GAN: variants seen among roughly 807,000 people sequenced by gnomAD.
GAN encodes the protein gigaxonin.
A neutral mutation model predicts 71.3 loss-of-function variants in GAN; 48 were observed. The ratio of observed to expected loss-of-function variants is 0.67; its 90% CI spans 0.53 to 0.86. The LOEUF is 0.86. GAN is among the 40% of genes least tolerant of loss of function. GAN has a pLI of 0.00. For synonymous variants in GAN, 386 were observed against 276.8 expected, an observed-to-expected ratio of 1.39 and a Z score of -3.92; for missense variants, 928 against 770.1, an observed-to-expected ratio of 1.21 and a Z score of -2.43.
At chr16:81,331,513 A>C (rs543783005) in intron 1 of GAN, among the ~76,000 whole-genome samples, 13 of 152,350 alleles carry the variant, frequency 8.5e-5, no homozygotes, top group African/African-American at 2.6e-4. Flanking sequence ...CTTTTTTAAA[A>C]ATCTTAAATT....
chr16:81,368,583 C>G (rs960108106), intron 9 of GAN, among the ~76,000 whole-genome samples: 1 of 152,218 alleles, frequency 6.6e-6, no homozygotes, highest in Non-Finnish European at 1.5e-5. Context: ...ACACTCCATC[C>G]TGAGTGCCAG....
chr16:81,362,575 T>A lies in GAN; in HGVS notation c.1050T>A (p.Asp350Glu). 1 of 1,599,624 alleles carries A rather than the reference T, an allele frequency of 6.3e-7. No homozygotes were observed. The highest frequency in any genetic ancestry group is 8.6e-7 in the Non-Finnish European group (1 of 1,166,694). The change falls in exon 6 of 11, where the codon GAT becomes GAA. Residue 350 changes from aspartate to glutamate, a missense_variant. Coordinates refer to ENST00000648994, the MANE Select transcript of GAN (RefSeq NM_022041.4). ...GCTCAGGAGAAAAGTATGATCCAGA[T>A]GCAAATACATGGACAGCATTGCCAC... is the stretch of plus-strand genomic sequence containing the variant. Reference protein sequence around the residue: ...TLSSGEKYDPDANTWTALPPM... With the variant: ...TLSSGEKYDPEANTWTALPPM...
In GAN at chr16:81,323,839, T is replaced by C. The variant is rs1322464773; in HGVS notation, c.167+8559T>C. On this transcript the variant is annotated intron_variant, in intron 1 of 10. Transcript: ENST00000648994. ...CTCCATCCTCTTGTGCTGCCTGCCATTGGAGCATTGTATTCAGTGGCCTCC... is the reference window on the plus strand; with the variant it reads ...CTCCATCCTCTTGTGCTGCCTGCCACTGGAGCATTGTATTCAGTGGCCTCC... 2.6e-5 allele frequency among the ~76,000 whole-genome samples: 4 copies of C among 152,160 alleles called. No individual in the cohort carries two copies. In the East Asian group the frequency reaches 5.8e-4, roughly 22 times the overall value.
In GAN at chr16:81,349,333, C is replaced by T. The variant is rs367764606; in HGVS notation, c.168-2250C>T. Among the ~76,000 whole-genome samples, 6 of 152,186 alleles carry T rather than the reference C, an allele frequency of 3.9e-5. 1 individual carries two copies. Among genetic ancestry groups the T allele is most frequent in the African/African-American group, 1.4e-4 (6 of 41,544 alleles). On this transcript the variant is annotated intron_variant, in intron 1 of 10. Transcript: ENST00000648994. ...TTCCTCAGATACTCCAAGTCAGTTA[C>T]CCTTGTCTGTTTTCTAGCATATGAA...
intron 1 of GAN, among the ~76,000 whole-genome samples, chr16:81,339,175 C>T: frequency 6.6e-6 from 1 of 152,200 alleles, no homozygotes; most frequent in East Asian, 1.9e-4. Context: ...CCGACAGAAT[C>T]CACATCACCC....
At chr16:81,354,117 A>G (rs928637906) in intron 2 of GAN, among the ~76,000 whole-genome samples, 9 of 152,202 alleles carry the variant, frequency 5.9e-5, no homozygotes, top group African/African-American at 2.2e-4. Flanking sequence ...GAATTACAGA[A>G]GTGAACAACA....
At chr16:81,341,362 A>T (rs1264865835) in intron 1 of GAN, among the ~76,000 whole-genome samples, 1 of 152,208 alleles carries the variant, frequency 6.6e-6, no homozygotes, top group Non-Finnish European at 1.5e-5. Flanking sequence ...GAAATGAAGG[A>T]AAAAATGTTA....
At chr16:81,318,325 G>A (rs1053364854) in intron 1 of GAN, among the ~76,000 whole-genome samples, 1 of 152,180 alleles carries the variant, frequency 6.6e-6, no homozygotes, top group Non-Finnish European at 1.5e-5. Flanking sequence ...GTTTGGCCTA[G>A]TGTTGGTAAC....
chr16:81,315,710 T>A (rs1909014286), intron 1 of GAN, among the ~76,000 whole-genome samples: 1 of 152,160 alleles, frequency 6.6e-6, no homozygotes, highest in Non-Finnish European at 1.5e-5. Flanking sequence ...GGGCCCGCGG[T>A]CCCCGCTGAA....
intron 1 of GAN, among the ~76,000 whole-genome samples, chr16:81,328,284 T>C (rs1018795783): frequency 9.2e-5 from 14 of 152,236 alleles, no homozygotes; most frequent in Non-Finnish European, 1.0e-4. Context: ...AAATCTATAT[T>C]TACCTGTTAT....
chr16:81,351,454 A>G lies in GAN; in HGVS notation c.168-129A>G, dbSNP rs184871836. On this transcript the variant is annotated intron_variant, in intron 1 of 10. Coordinates refer to ENST00000648994, the MANE Select transcript of GAN (RefSeq NM_022041.4). ...GAAATACATAGACCTAAAGTTAACG[A>G]ACTAAATTTTCTAGGTGGGGATTCA... is the stretch of plus-strand genomic sequence containing the variant. The G allele has an allele frequency of 1.3e-3, 832 of 652,062 alleles. 4 individuals are homozygous for G. Among genetic ancestry groups the G allele is most frequent in the Admixed American group, 2.3e-3 (96 of 41,574 alleles). 40.4% of individuals were successfully genotyped at this position (652,062 alleles called of 1,614,324 possible).
chr16:81,334,814 T>C (rs181059607), intron 1 of GAN, among the ~76,000 whole-genome samples: 1 of 152,288 alleles, frequency 6.6e-6, no homozygotes, highest in African/African-American at 2.4e-5. Flanking sequence ...CACATGAGAA[T>C]AGTCACCAAC....
chr16:81,350,765 C>T (rs921532498), intron 1 of GAN, among the ~76,000 whole-genome samples: 1 of 152,170 alleles, frequency 6.6e-6, no homozygotes, highest in Non-Finnish European at 1.5e-5. Context: ...GTGAGCTACC[C>T]ACCTCGGCCT....
At position 81,365,125 on chromosome 16, in the gene GAN, G is replaced by A; in HGVS notation, c.1373+15G>A. The A allele has an allele frequency of 6.2e-7, 1 of 1,612,634 alleles. No homozygotes were observed. Among genetic ancestry groups the A allele is most frequent in the East Asian group, 2.2e-5 (1 of 44,884 alleles). ...AAAGAGAGGAGGTACGTGGCTGTGGGGTGGACTTTGTAGATTCCCTTGCTG... is the reference window on the plus strand; with the variant it reads ...AAAGAGAGGAGGTACGTGGCTGTGGAGTGGACTTTGTAGATTCCCTTGCTG... On this transcript the variant is annotated intron_variant, in intron 8 of 10. Transcript: ENST00000648994.
intron 1 of GAN, among the ~76,000 whole-genome samples, chr16:81,339,136 C>G (rs1296335948): frequency 1.3e-5 from 2 of 152,088 alleles, no homozygotes; most frequent in African/African-American, 2.4e-5. Flanking sequence ...ACCTATTAAC[C>G]CCTTGTTACT....
In GAN at chr16:81,315,126, A is replaced by C. The variant is rs2150663541; in HGVS notation, c.13A>C (p.Ser5Arg). The change falls in exon 1 of 11, where the codon AGT becomes CGT. Residue 5 changes from serine (S) to arginine (R), a missense_variant. Physicochemically the swap from Ser to Arg is moderately radical, Grantham distance 110. Transcript: ENST00000648994. ...AGCGGGCGCCGCGATGGCTGAGGGC[A>C]GTGCCGTGTCTGACCCTCAGCACGC... MAEG[S>R]AVSDPQHAAR... is the part of the protein sequence containing the mutation. The C allele has an allele frequency of 1.3e-6, 2 of 1,517,322 alleles. No homozygotes were observed. Among genetic ancestry groups the C allele is most frequent in the Non-Finnish European group, 1.8e-6 (2 of 1,132,826 alleles). The allele number at this position is 1,517,322 out of a possible 1,614,324, so 94.0% of individuals were successfully genotyped here. A position where few individuals can be genotyped will look rare whatever the true frequency, so the allele number is the denominator to read the frequency against.
intron 1 of GAN, among the ~76,000 whole-genome samples, chr16:81,326,316 G>A (rs1456985635): frequency 2.7e-5 from 4 of 150,940 alleles, no homozygotes; most frequent in Non-Finnish European, 5.9e-5. Flanking sequence ...TTGGGAGTTC[G>A]AGACTAGCCT....
intron 1 of GAN, among the ~76,000 whole-genome samples, chr16:81,320,286 G>A (rs1909183134): frequency 6.6e-6 from 1 of 152,226 alleles, no homozygotes; most frequent in African/African-American, 2.4e-5. Context: ...GTAGTTTAAT[G>A]TCACATGGGC....
At position 81,341,732 on chromosome 16, in the gene GAN, G is replaced by A. The variant is rs191202021; in HGVS notation, c.168-9851G>A. 4.8e-3 allele frequency among the ~76,000 whole-genome samples: 726 copies of A among 152,272 alleles called. 7 individuals are homozygous for A. Among genetic ancestry groups the A allele is most frequent in the Non-Finnish European group, 7.5e-3 (512 of 68,032 alleles). On this transcript the variant is annotated intron_variant, in intron 1 of 10. Coordinates refer to ENST00000648994, the MANE Select transcript of GAN (RefSeq NM_022041.4). Reference sequence around the variant, plus strand: ...GTGAAGTAACTGCATCAATTAACAGGTGAAATAACCAGCTAGCATCATAGT... The same window carrying A: ...GTGAAGTAACTGCATCAATTAACAGATGAAATAACCAGCTAGCATCATAGT...
Sources: gnomAD v4.1 joint callset for allele counts (sites outside exome capture counted in the v4.1 genomes callset) on GRCh38, gnomAD v4.1.1 for gene constraint, MANE v1.5 for transcripts, NCBI Gene and HGNC (gene_info 2026-07-23, HGNC 2026-07-21) for gene names.